The following NREP variants were observed in gnomAD, a reference collection of about 807,000 sequenced individuals.
NREP encodes the protein neuronal regeneration-related protein.
A neutral mutation model predicts 8.6 loss-of-function variants in NREP; 5 were observed. That is an observed-to-expected ratio of 0.58 (90% CI 0.30 to 1.22). The LOEUF (loss-of-function observed/expected upper bound fraction) is 1.22. Ranked by LOEUF, NREP falls within the 50% of genes most tolerant of loss-of-function variation. The pLI is 0.07. For synonymous variants in NREP, 27 were observed against 28.0 expected, an observed-to-expected ratio of 0.96 and a Z score of 0.11; for missense variants, 86 against 82.5, an observed-to-expected ratio of 1.04 and a Z score of -0.17.
intron 2 of NREP, among the ~76,000 whole-genome samples, chr5:111,784,064 G>A (rs1191661223): frequency 3.3e-5 from 5 of 152,170 alleles, no homozygotes; most frequent in African/African-American, 1.2e-4. Context: ...GGTAGAGGGG[G>A]TGGACAGTTC....
chr5:111,791,968 A>C (rs1751759443), intron 2 of NREP, among the ~76,000 whole-genome samples: 1 of 152,356 alleles, frequency 6.6e-6, no homozygotes, highest in East Asian at 1.9e-4. Context: ...TGTTATAGGC[A>C]TTAAATGAGA....
At chr5:111,931,486 C>T (rs1755535615) in intron 2 of NREP, among the ~76,000 whole-genome samples, 2 of 152,222 alleles carry the variant, frequency 1.3e-5, no homozygotes, top group South Asian at 2.1e-4. Flanking sequence ...GGAAGCCGAC[C>T]TTCCAGCCTA....
At chr5:111,912,129 A>G (rs1754929446) in intron 2 of NREP, among the ~76,000 whole-genome samples, 1 of 152,070 alleles carries the variant, frequency 6.6e-6, no homozygotes, top group African/African-American at 2.4e-5. Flanking sequence ...GCATTCCTTG[A>G]ACTTTTGTTG....
intron 2 of NREP, among the ~76,000 whole-genome samples, chr5:111,958,418 CAT>C (rs1756388627): frequency 2.0e-5 from 3 of 151,908 alleles, no homozygotes; most frequent in African/African-American, 7.2e-5. Flanking sequence ...AAATTTACCA[CAT>C]AGAGAAATCC....
intron 2 of NREP, among the ~76,000 whole-genome samples, chr5:111,816,601 G>A (rs1199554486): frequency 6.6e-6 from 1 of 151,256 alleles, no homozygotes; most frequent in Non-Finnish European, 1.5e-5. Context: ...TAATACCTAG[G>A]GTAGACTAAG....
At chr5:111,806,074 T>C (rs1453807953) in intron 2 of NREP, among the ~76,000 whole-genome samples, 1 of 152,192 alleles carries the variant, frequency 6.6e-6, no homozygotes, top group Non-Finnish European at 1.5e-5. Flanking sequence ...ATGAAAGGTA[T>C]ATAAGTGTTA....
intron 2 of NREP, among the ~76,000 whole-genome samples, chr5:111,879,603 T>A (rs938726101): frequency 6.6e-6 from 1 of 152,208 alleles, no homozygotes; most frequent in Non-Finnish European, 1.5e-5. Context: ...TCCCATGTAG[T>A]AGATGCTAAA....
intron 2 of NREP, among the ~76,000 whole-genome samples, chr5:111,955,513 T>G (rs903727983): frequency 6.7e-6 from 1 of 149,154 alleles, no homozygotes; most frequent in Admixed American, 6.6e-5. Flanking sequence ...AAAAAACACA[T>G]TCGGTTCTAA....
chr5:111,833,628 C>G (rs893840319), intron 2 of NREP, among the ~76,000 whole-genome samples: 1 of 152,170 alleles, frequency 6.6e-6, no homozygotes, highest in South Asian at 2.1e-4. Flanking sequence ...GTCAGTACTG[C>G]AGGATGGCCT....
At chr5:111,881,798 C>T (rs1167738615) in intron 2 of NREP, among the ~76,000 whole-genome samples, 1 of 152,100 alleles carries the variant, frequency 6.6e-6, no homozygotes, top group African/African-American at 2.4e-5. Flanking sequence ...AACTAACAAA[C>T]AGAAAGGACA....
At chr5:111,930,931 G>C (rs1470690057) in intron 2 of NREP, among the ~76,000 whole-genome samples, 1 of 152,126 alleles carries the variant, frequency 6.6e-6, no homozygotes, top group East Asian at 1.9e-4. Flanking sequence ...CCTGCTGGAT[G>C]TTGTGATGGT....
At chr5:111,761,643 C>T (rs559567813), upstream of NREP, among the ~76,000 whole-genome samples, 47 of 152,304 alleles carry the variant, frequency 3.1e-4, no homozygotes, top group Non-Finnish European at 4.0e-4. Context: ...CATTGTTGAT[C>T]GCATATGTAA....
chr5:111,853,200 C>T (rs982336593), intron 2 of NREP, among the ~76,000 whole-genome samples: 4 of 151,918 alleles, frequency 2.6e-5, no homozygotes, highest in African/African-American at 9.7e-5. Context: ...ACTATATAGA[C>T]AGTAGAAAAA....
intron 2 of NREP, among the ~76,000 whole-genome samples, chr5:111,853,055 G>A (rs1050894353): frequency 2.6e-5 from 4 of 152,100 alleles, no homozygotes; most frequent in Non-Finnish European, 5.9e-5. Flanking sequence ...TGGTGATGGT[G>A]GTGGTGGTCA....
At chr5:111,789,255 T>C (rs576257248) in intron 2 of NREP, among the ~76,000 whole-genome samples, 1 of 152,336 alleles carries the variant, frequency 6.6e-6, no homozygotes, top group South Asian at 2.1e-4. Context: ...ATTGCAGCTT[T>C]TTTTCTTTCT....
rs570455140 is a variant in NREP, at chr5:111,730,567, A to C, written c.*354T>G. 1.1e-5 allele frequency: 2 copies of C among 183,180 alleles called. No individual in the cohort carries two copies. The highest frequency in any genetic ancestry group is 2.3e-5 in the Non-Finnish European group (2 of 88,282). The allele number at this position is 183,180 out of a possible 1,614,324, so 11.3% of individuals were successfully genotyped here. On this transcript the variant is annotated 3_prime_UTR_variant, in exon 4 of 4. Coordinates refer to ENST00000257435, the MANE Select transcript of NREP (RefSeq NM_004772.4). ...GGGGGGGACTCTCAGCCTCTGCAAG[A>C]AGCAGTCGGGAGCTGTGTGAGTGAA...
intron 2 of NREP, among the ~76,000 whole-genome samples, chr5:111,834,300 A>G (rs900547065): frequency 2.0e-5 from 3 of 152,226 alleles, no homozygotes; most frequent in Non-Finnish European, 4.4e-5. Context: ...CAGCTACCCT[A>G]TGGCAACTAG....
chr5:111,816,827 A>C (rs1206525613), intron 2 of NREP, among the ~76,000 whole-genome samples: 1 of 151,720 alleles, frequency 6.6e-6, no homozygotes, highest in African/African-American at 2.4e-5. Context: ...ATATTCTAAC[A>C]CTGCAGACTA....
At chr5:111,887,449 C>G (rs994516395) in intron 2 of NREP, among the ~76,000 whole-genome samples, 5 of 152,256 alleles carry the variant, frequency 3.3e-5, no homozygotes, top group Admixed American at 3.3e-4. Context: ...ATTACAATAT[C>G]TCTATATGCT....
Sources: allele counts gnomAD v4.1 joint callset (sites outside exome capture counted in the v4.1 genomes callset), GRCh38; gene constraint gnomAD v4.1.1; transcripts MANE v1.5; gene names NCBI Gene and HGNC (gene_info 2026-07-23, HGNC 2026-07-21).